Variants in SLC5A4 observed in about 807,000 individuals in gnomAD.
SLC5A4 encodes the protein solute carrier family 5 member 4, also known as probable glucose sensor protein SLC5A4.
Under a neutral mutation model 70.3 loss-of-function variants are expected in SLC5A4, and 55 were observed. That is an observed-to-expected ratio of 0.78 (90% CI 0.63 to 0.98). The LOEUF is 0.98. SLC5A4 is among the 50% of genes least tolerant of loss of function. The pLI is 0.00. For missense variants in SLC5A4, 735 were observed against 839.2 expected, an observed-to-expected ratio of 0.88 and a Z score of 1.53; for synonymous variants, 268 against 305.7, an observed-to-expected ratio of 0.88 and a Z score of 1.29.
intron 2 of SLC5A4, 27 bp from the exon 3 acceptor site, chr22:32,251,901 T>G (rs779375976): frequency 1.3e-6 from 2 of 1,542,038 alleles, no homozygotes; most frequent in African/African-American, 2.7e-5. Context: ...CAGACTAGGG[T>G]TGGAGTTAAA....
chr22:32,229,582 T>C (rs1193865713), intron 10 of SLC5A4, among the ~76,000 whole-genome samples: 1 of 152,126 alleles, frequency 6.6e-6, no homozygotes, highest in African/African-American at 2.4e-5. Flanking sequence ...TTGTGCCATC[T>C]AAAAATCAAA....
At chr22:32,333,199 C>T in the SLC5A4 span, among the ~76,000 whole-genome samples, 21 of 147,710 alleles carry the variant, frequency 1.4e-4, 1 homozygote, top group Middle Eastern at 6.9e-3. Context: ...CACTGGCACC[C>T]CCCCCCCAGA....
At chr22:32,233,087 G>A in intron 8 of SLC5A4, 53 bp from the exon 9 acceptor site, 3 of 1,578,120 alleles carry the variant, frequency 1.9e-6, no homozygotes. Context: ...TGATTTCAAA[G>A]GCAGTCAGCG....
chr22:32,292,163 TA>T, the SLC5A4 span, among the ~76,000 whole-genome samples: 1 of 36,216 alleles, frequency 2.8e-5, no homozygotes, highest in South Asian at 7.1e-4. Context: ...ATTATATATA[TA>T]ATATATACTA....
At chr22:32,239,540 A>T (rs1163007507) in intron 5 of SLC5A4, among the ~76,000 whole-genome samples, 1 of 12,926 alleles carries the variant, frequency 7.7e-5, no homozygotes, top group Non-Finnish European at 1.3e-4. Flanking sequence ...ATATATATAT[A>T]TATATATATA....
the SLC5A4 span, among the ~76,000 whole-genome samples, chr22:32,328,607 T>C: frequency 1.3e-5 from 2 of 149,944 alleles, no homozygotes; most frequent in Non-Finnish European, 1.5e-5. Context: ...TCCCCAGCAG[T>C]GCCTTGAGAA....
At chr22:32,291,234 TTC>T in the SLC5A4 span, among the ~76,000 whole-genome samples, 1 of 149,808 alleles carries the variant, frequency 6.7e-6, no homozygotes, top group East Asian at 2.0e-4. Flanking sequence ...GATGGAGTCT[TTC>T]TCTGTTACCC....
At chr22:32,257,070 C>G (rs2145712947), upstream of SLC5A4, among the ~76,000 whole-genome samples, 1 of 152,314 alleles carries the variant, frequency 6.6e-6, no homozygotes, top group African/African-American at 2.4e-5. Context: ...CTCTTCAATA[C>G]TTGTCATTTA....
the SLC5A4 span, among the ~76,000 whole-genome samples, chr22:32,343,333 A>G: frequency 1.3e-5 from 2 of 152,224 alleles, no homozygotes; most frequent in Non-Finnish European, 2.9e-5. Flanking sequence ...GAAAAGGACA[A>G]TCAGCTGACA....
the SLC5A4 span, among the ~76,000 whole-genome samples, chr22:32,324,988 C>T: frequency 6.6e-6 from 1 of 152,242 alleles, no homozygotes; most frequent in Non-Finnish European, 1.5e-5. Flanking sequence ...GGAAGCTGTT[C>T]CTGTGTGGCC....
At chr22:32,317,687 A>T in the SLC5A4 span, among the ~76,000 whole-genome samples, 1 of 152,038 alleles carries the variant, frequency 6.6e-6, no homozygotes, top group South Asian at 2.1e-4. Flanking sequence ...GCTGATCTTG[A>T]TCTCCTGGCC....
the SLC5A4 span, among the ~76,000 whole-genome samples, chr22:32,333,199 C>G: frequency 6.1e-5 from 9 of 147,710 alleles, no homozygotes; most frequent in Middle Eastern, 6.9e-3. Context: ...CACTGGCACC[C>G]CCCCCCCAGA....
chr22:32,239,575 TATATATTTATATATATATAAATTA>T (rs1328803155), intron 5 of SLC5A4, among the ~76,000 whole-genome samples: 685 of 27,346 alleles, frequency 0.025, 74 homozygotes, highest in African/African-American at 0.14. Flanking sequence ...TATATTTATA[TATATATTTATATATATATAAATTA>T]TATAAAATAT....
upstream of SLC5A4, among the ~76,000 whole-genome samples, chr22:32,257,183 G>T (rs994298112): frequency 5.3e-5 from 8 of 152,082 alleles, no homozygotes; most frequent in Non-Finnish European, 1.0e-4. Context: ...TTTTTCATGT[G>T]CTTATAGCCA....
chr22:32,269,807 C>A, the SLC5A4 span: 2 of 676,792 alleles, frequency 3.0e-6, no homozygotes, highest in East Asian at 3.8e-5. This position sits in a 1 kb window ranked among gnomAD's most constrained non-coding sequence, Gnocchi z 4.1. Flanking sequence ...TCTCCCATGA[C>A]AAGATGGTCA....
the SLC5A4 span, among the ~76,000 whole-genome samples, chr22:32,304,055 G>A: frequency 6.6e-6 from 1 of 152,194 alleles, no homozygotes; most frequent in Non-Finnish European, 1.5e-5. Flanking sequence ...ATGAGATGGA[G>A]CATCTTTTCA....
chr22:32,309,265 G>T, the SLC5A4 span, among the ~76,000 whole-genome samples: 1 of 152,176 alleles, frequency 6.6e-6, no homozygotes, highest in Non-Finnish European at 1.5e-5. Flanking sequence ...AAAACTGCTC[G>T]TGAATCACAC....
chr22:32,269,526 C>A, the SLC5A4 span: 1 of 610,218 alleles, frequency 1.6e-6, no homozygotes. The surrounding 1 kb of genome is among the most constrained non-coding windows in gnomAD (Gnocchi z 4.1). Context: ...GACACGTGCT[C>A]CATCGTGGCC....
the SLC5A4 span, among the ~76,000 whole-genome samples, chr22:32,283,722 T>G: frequency 6.6e-6 from 1 of 152,214 alleles, no homozygotes; most frequent in Admixed American, 6.5e-5. Context: ...GAGTATGCAT[T>G]ACCTTTGTTT....
Sources: allele counts gnomAD v4.1 joint callset (sites outside exome capture counted in the v4.1 genomes callset), GRCh38; gene constraint gnomAD v4.1.1; non-coding constraint Gnocchi (gnomAD v3.1); transcripts MANE v1.5; gene names NCBI Gene and HGNC (gene_info 2026-07-23, HGNC 2026-07-21).